Variants in SNRK observed in about 807,000 individuals in gnomAD.
The protein encoded by SNRK is SNF related kinase.
SNRK carries 3 observed loss-of-function variants against 48.2 expected under a neutral mutation model. The observed-to-expected ratio is 0.06, with a 90% CI of 0.03 to 0.16. SNRK has a LOEUF of 0.16. Ranked by LOEUF, SNRK falls within the 10% of genes least tolerant of loss-of-function variation. The pLI, the probability that SNRK is intolerant of heterozygous loss-of-function variation, is 1.00. For missense variants in SNRK, 627 were observed against 976.0 expected (o/e 0.64, Z 4.76); for synonymous variants, 376 against 366.1 (o/e 1.03, Z -0.31).
rs747774782 is a variant in SNRK, at chr3:43,303,342, A to G, written c.139A>G (p.Ile47Val). The G allele has an allele frequency of 3.1e-6, 5 of 1,614,182 alleles. No homozygotes were observed. In the South Asian group the frequency reaches 5.5e-5, roughly 18 times the overall value. ...FTGEKVAVKV[I>V]DKTKLDTLAT... is the part of the protein sequence containing the mutation. Reference sequence around the variant, plus strand: ...GGGTGAAAAGGTGGCAGTAAAAGTTATTGACAAGACAAAACTGGACACTCT... The same window carrying G: ...GGGTGAAAAGGTGGCAGTAAAAGTTGTTGACAAGACAAAACTGGACACTCT... Residue 47 changes from isoleucine to valine, a missense_variant, in exon 3 of 7, where the codon ATT (isoleucine) becomes GTT (valine). This residue lies in a region of SNRK where 147 missense variants were observed against 356.8 expected (regional missense o/e 0.41). Transcript: ENST00000296088. The surrounding 1 kb of genome is among the most constrained non-coding windows in gnomAD (Gnocchi z 6.2).
Position 43,303,170 on chromosome 3 carries a change from A to G in SNRK, c.-34A>G. 6.7e-7 allele frequency: 1 copy of G among 1,496,904 alleles called. No individual in the cohort carries two copies. 92.7% of individuals were successfully genotyped at this position (1,496,904 alleles called of 1,614,324 possible). On this transcript the variant is annotated 5_prime_UTR_variant, in exon 3 of 7. Coordinates refer to ENST00000296088, the MANE Select transcript of SNRK (RefSeq NM_017719.5). The surrounding 1 kb of genome is among the most constrained non-coding windows in gnomAD (Gnocchi z 6.2). ...TCTTATATGAGAAGATCTATTTTAA[A>G]CAGTCTAAATATTTTTTCTTCTGTT...
At chr3:43,324,830 A>G (rs2091082901) in intron 3 of SNRK, among the ~76,000 whole-genome samples, 1 of 152,194 alleles carries the variant, frequency 6.6e-6, no homozygotes, top group African/African-American at 2.4e-5. Flanking sequence ...TCAAGAGCTA[A>G]TATTTTGAAT....
At chr3:43,325,338 TG>T (rs968316446) in intron 3 of SNRK, among the ~76,000 whole-genome samples, 8 of 152,088 alleles carry the variant, frequency 5.3e-5, no homozygotes, top group Non-Finnish European at 1.2e-4. Context: ...GCTAATTTTT[TG>T]TATTTTTAGT....
At chr3:43,309,981 C>T (rs1045468066) in intron 3 of SNRK, among the ~76,000 whole-genome samples, 2 of 152,014 alleles carry the variant, frequency 1.3e-5, no homozygotes, top group Non-Finnish European at 2.9e-5. Context: ...TGCTGTTGCA[C>T]ATTTAATAGA....
At chr3:43,334,725 C>T (rs1360965578) in intron 4 of SNRK, among the ~76,000 whole-genome samples, 1 of 151,924 alleles carries the variant, frequency 6.6e-6, no homozygotes, top group Non-Finnish European at 1.5e-5. Context: ...TCCCAGTTAG[C>T]TGGGACTAGA....
chr3:43,325,476 G>A (rs1007803563), intron 3 of SNRK, among the ~76,000 whole-genome samples: 1 of 151,952 alleles, frequency 6.6e-6, no homozygotes, highest in African/African-American at 2.4e-5. Context: ...AAAAGACTGT[G>A]TTTTTAACAT....
At chr3:43,296,415 CAT>C (rs371078181) in intron 1 of SNRK, among the ~76,000 whole-genome samples, 3 of 127,242 alleles carry the variant, frequency 2.4e-5, no homozygotes, top group South Asian at 2.5e-4. Context: ...GATATACTGG[CAT>C]ATATATATAT....
intron 3 of SNRK, among the ~76,000 whole-genome samples, chr3:43,318,370 A>C (rs1254311551): frequency 6.6e-6 from 1 of 152,136 alleles, no homozygotes; most frequent in Admixed American, 6.5e-5. Flanking sequence ...AAAAAATGAA[A>C]GTCTTGGTGT....
chr3:43,307,039 A>G (rs2090943026), intron 3 of SNRK, among the ~76,000 whole-genome samples: 1 of 152,114 alleles, frequency 6.6e-6, no homozygotes, highest in African/African-American at 2.4e-5. Context: ...ATACATACTT[A>G]AGATTATGCA....
In SNRK at chr3:43,347,603, T is replaced by A. The variant is rs769711239; in HGVS notation, c.1344T>A (p.Asp448Glu). 4 of 1,613,820 alleles carry A rather than the reference T, an allele frequency of 2.5e-6. No individual in the cohort carries two copies. The Admixed American group carries it at 5.0e-5, about 20-fold the overall frequency. ...AGTGTCTGTTCAGGGTGGAAGAAGATGAAGAGGAAGATGAGGAGGACAAGA... is the reference window on the plus strand; with the variant it reads ...AGTGTCTGTTCAGGGTGGAAGAAGAAGAAGAGGAAGATGAGGAGGACAAGA... The part of the protein sequence containing the change: ...GRKCLFRVEE[D>E]EEEDEEDKKP... The change falls in exon 7 of 7, where the codon GAT (aspartate) becomes GAA (glutamate). Residue 448 changes from aspartate to glutamate, a missense_variant. Asp to Glu is a conservative substitution (Grantham distance 45). Around this residue, in one of 4 missense-constraint regions of SNRK, gnomAD observed 175 missense variants for 209.7 expected, o/e 0.83. Transcript: ENST00000296088. The surrounding 1 kb of genome is among the most constrained non-coding windows in gnomAD (Gnocchi z 5.4).
intron 3 of SNRK, among the ~76,000 whole-genome samples, chr3:43,316,497 T>G (rs534886711): frequency 1.2e-4 from 19 of 152,310 alleles, no homozygotes; most frequent in Admixed American, 5.2e-4. Flanking sequence ...GAATCAAATA[T>G]TTTTAGACAT....
intron 3 of SNRK, among the ~76,000 whole-genome samples, chr3:43,319,401 C>T (rs1211886032): frequency 6.6e-6 from 1 of 152,126 alleles, no homozygotes; most frequent in African/African-American, 2.4e-5. Flanking sequence ...AGACGCTCTT[C>T]GTAGATATAT....
chr3:43,348,078 A>C lies in SNRK; in HGVS notation c.1819A>C (p.Ser607Arg). 1 of 1,597,616 alleles carries C rather than the reference A, an allele frequency of 6.3e-7. No individual in the cohort carries two copies. The highest frequency in any genetic ancestry group is 2.2e-5 in the East Asian group (1 of 44,748). Residue 607 changes from serine to arginine, a missense_variant, in exon 7 of 7, where the codon AGT (serine) becomes CGT (arginine). Transcript: ENST00000296088. ...CAGTGAGAACAATGCTGGTGGGGGC[A>C]GTCCCTCCAGCGGCTCGGGTGGCAA... ...SPSENNAGGGSPSSGSGGNPT... is the reference protein window; with the variant it reads ...SPSENNAGGGRPSSGSGGNPT...
At chr3:43,317,949 G>A (rs765345870) in intron 3 of SNRK, among the ~76,000 whole-genome samples, 1 of 152,148 alleles carries the variant, frequency 6.6e-6, no homozygotes, top group Non-Finnish European at 1.5e-5. Context: ...TTAGCATAAC[G>A]CCAGACACAA....
intron 3 of SNRK, among the ~76,000 whole-genome samples, chr3:43,321,239 T>G (rs1307777313): frequency 6.6e-6 from 1 of 152,214 alleles, no homozygotes. Context: ...AACCTTTGAC[T>G]CTTCCAGCTG....
rs2090765264 is a variant in SNRK at position 43,286,638 on chromosome 3, C to T, written c.-206C>T. 6.7e-6 allele frequency: 1 copy of T among 149,888 alleles called. No homozygotes were observed. Among genetic ancestry groups the T allele is most frequent in the Admixed American group, 6.6e-5 (1 of 15,078 alleles). The allele number at this position is 149,888 out of a possible 1,614,324, so 9.3% of individuals were successfully genotyped here. A position where few individuals can be genotyped will look rare whatever the true frequency, so the allele number is the denominator to read the frequency against. On this transcript the variant is annotated 5_prime_UTR_variant, in exon 1 of 7. Coordinates refer to ENST00000296088, the MANE Select transcript of SNRK (RefSeq NM_017719.5). ...GCGGCCGGGAGGGAGTTGTCGGCGCCGCGGCCGCTGCGGACGGACGCTCGC... is the reference window on the plus strand; with the variant it reads ...GCGGCCGGGAGGGAGTTGTCGGCGCTGCGGCCGCTGCGGACGGACGCTCGC...
intron 1 of SNRK, among the ~76,000 whole-genome samples, chr3:43,286,885 C>T (rs888727403): frequency 2.1e-5 from 3 of 144,848 alleles, no homozygotes; most frequent in African/African-American, 7.4e-5. Flanking sequence ...GGCCCGGACC[C>T]CGCGGCGCGG....
chr3:43,323,094 C>T (rs1483893212), intron 3 of SNRK, among the ~76,000 whole-genome samples: 1 of 151,366 alleles, frequency 6.6e-6, no homozygotes, highest in East Asian at 1.9e-4. Flanking sequence ...GAGAAATGGC[C>T]GTTTTTTTCA....
At position 43,349,584 on chromosome 3, in the gene SNRK, G is replaced by GA. The variant is rs997416482; in HGVS notation, c.*1033dup. 6.6e-6 allele frequency: 1 copy of GA among 152,098 alleles called. No homozygotes were observed. Among genetic ancestry groups the GA allele is most frequent in the Non-Finnish European group, 1.5e-5 (1 of 68,008 alleles). The allele number at this position is 152,098 out of a possible 1,614,324, so 9.4% of individuals were successfully genotyped here. On this transcript the variant is annotated 3_prime_UTR_variant, in exon 7 of 7. Coordinates refer to ENST00000296088, the MANE Select transcript of SNRK (RefSeq NM_017719.5). Reference sequence around the variant, plus strand: ...TCAGCTAGCTTTGAAATTGGCTGATGAAAAAATATACATAAAAGGGTAAAA... The same window carrying GA: ...TCAGCTAGCTTTGAAATTGGCTGATGAAAAAAATATACATAAAAGGGTAAAA...
Sources: gnomAD v4.1 joint callset for allele counts (sites outside exome capture counted in the v4.1 genomes callset) on GRCh38, gnomAD v4.1.1 for gene constraint, gnomAD v4.1.1 regional missense constraint, Gnocchi (gnomAD v3.1) non-coding constraint, MANE v1.5 for transcripts, NCBI Gene and HGNC (gene_info 2026-07-23, HGNC 2026-07-21) for gene names.